The following GREB1 variants were observed in gnomAD, a reference collection of about 807,000 sequenced individuals.
GREB1 encodes growth regulating estrogen receptor binding 1, also known as protein GREB1.
Under a neutral mutation model 200.7 loss-of-function variants are expected in GREB1, and 106 were observed. The observed-to-expected ratio is 0.53, with a 90% CI of 0.45 to 0.62. GREB1 has a LOEUF of 0.62. Among genes scored for constraint, GREB1 ranks in the 20% least tolerant of loss-of-function variants. The pLI, the probability that GREB1 is intolerant of heterozygous loss-of-function variation, is 0.00. For synonymous variants in GREB1, 1,132 were observed against 1,092.4 expected (o/e 1.04, Z -0.72); for missense variants, 2,243 against 2,556.8 (o/e 0.88, Z 2.65).
At position 11,602,384 on chromosome 2, in the gene GREB1, C is replaced by T. The variant is rs760403814; in HGVS notation, c.2530-22C>T. The T allele has an allele frequency of 2.4e-5, 38 of 1,608,612 alleles. No individual in the cohort carries two copies. In the Admixed American group the frequency reaches 4.8e-4, roughly 21 times the overall value. ...CCCTGCGAATGCAGTGTTGGAGTGACCGACGCTCTTCTTTGTTTTAGGGAG... is the reference window on the plus strand; with the variant it reads ...CCCTGCGAATGCAGTGTTGGAGTGATCGACGCTCTTCTTTGTTTTAGGGAG... On this transcript the variant is annotated intron_variant, in intron 16 of 32. Transcript: ENST00000381486.
intron 1 of GREB1, among the ~76,000 whole-genome samples, chr2:11,522,975 G>A (rs1673752311): frequency 6.6e-6 from 1 of 152,154 alleles, no homozygotes; most frequent in Non-Finnish European, 1.5e-5. Context: ...AATCAACCTA[G>A]ATGCCCATCA....
At chr2:11,607,662 G>T (rs1372646961) in intron 17 of GREB1, among the ~76,000 whole-genome samples, 1 of 105,374 alleles carries the variant, frequency 9.5e-6, no homozygotes. Context: ...GAAAAGCACA[G>T]TTTTATGACA....
At chr2:11,598,945 A>G (rs932670235) in intron 15 of GREB1, 85 bp downstream of exon 15, 3 of 1,128,000 alleles carry the variant, frequency 2.7e-6, no homozygotes, top group East Asian at 2.4e-5. Context: ...TGAGGGTACA[A>G]ATCCTGAAAA....
intron 1 of GREB1, among the ~76,000 whole-genome samples, chr2:11,552,963 T>G (rs1247288281): frequency 2.2e-5 from 3 of 136,892 alleles, no homozygotes; most frequent in African/African-American, 8.9e-5. Context: ...TGAGTCGAGA[T>G]CGCGCCACTG....
At chr2:11,516,340 G>C (rs1291319546) in intron 1 of GREB1, among the ~76,000 whole-genome samples, 1 of 151,748 alleles carries the variant, frequency 6.6e-6, no homozygotes, top group African/African-American at 2.4e-5. Context: ...GTGTGTGTGT[G>C]TGTGTGTGCA....
In GREB1 at chr2:11,514,873, G is replaced by A. The variant is rs114125716; in HGVS notation, c.-159+32492G>A. ...CTCTGTATGCCCAGTGCTTAGTGCT[G>A]TGCTTGGCACAGAGTGGGCACTTAA... On this transcript the variant is annotated intron_variant, in intron 1 of 2. Transcript: ENST00000628795. 4.7e-3 allele frequency among the ~76,000 whole-genome samples: 713 copies of A among 152,312 alleles called. 4 individuals are homozygous for A. The highest frequency in any genetic ancestry group is 0.014 in the African/African-American group (572 of 41,554).
intron 23 of GREB1, among the ~76,000 whole-genome samples, chr2:11,624,118 G>A (rs1392015042): frequency 2.0e-5 from 3 of 151,972 alleles, no homozygotes; most frequent in South Asian, 2.1e-4. Context: ...GAAAAATATC[G>A]TTTATAAATC....
At chr2:11,528,542 G>A (rs928745861) in intron 1 of GREB1, among the ~76,000 whole-genome samples, 1 of 152,084 alleles carries the variant, frequency 6.6e-6, no homozygotes, top group African/African-American at 2.4e-5. Flanking sequence ...CCAGGCTGGA[G>A]TGCAGTGGCT....
intron 24 of GREB1, 137 bp downstream of exon 24, chr2:11,625,449 C>A (rs1007429857): frequency 6.9e-5 from 53 of 769,312 alleles, no homozygotes; most frequent in Non-Finnish European, 1.1e-4. Flanking sequence ...ACTGAGGTCA[C>A]CACCTCCCTG....
intron 21 of GREB1, 147 bp downstream of exon 21, chr2:11,616,867 T>A: frequency 3.2e-6 from 2 of 624,678 alleles, no homozygotes; most frequent in Non-Finnish European, 5.7e-6. Flanking sequence ...AGTGCTAGAC[T>A]CTCTAGAGAG....
chr2:11,551,980 A>C (rs6737520), intron 1 of GREB1, among the ~76,000 whole-genome samples: 14,296 of 152,296 alleles, frequency 0.094, 1,412 homozygotes, highest in African/African-American at 0.25. Context: ...TTTAACTAGA[A>C]ATTAATGATT....
intron 20 of GREB1, 27 bp from the exon 21 acceptor site, chr2:11,616,604 A>G: frequency 7.1e-7 from 1 of 1,404,052 alleles, no homozygotes; most frequent in African/African-American, 1.4e-5. Context: ...ATTTCGGTGC[A>G]TTCTCAGCGT....
chr2:11,497,088 C>T (rs987495638), intron 1 of GREB1, among the ~76,000 whole-genome samples: 2 of 152,196 alleles, frequency 1.3e-5, no homozygotes, highest in African/African-American at 2.4e-5. Flanking sequence ...TGAGCCACCA[C>T]GCCTGGCCTG....
chr2:11,574,374 A>T (rs1678625285), intron 4 of GREB1, among the ~76,000 whole-genome samples: 1 of 152,232 alleles, frequency 6.6e-6, no homozygotes, highest in Non-Finnish European at 1.5e-5. Flanking sequence ...AGAAAGTGCC[A>T]GCCAGCCTTT....
chr2:11,527,002 C>T lies in GREB1; in HGVS notation c.-158-29455C>T, dbSNP rs547767799. ...GGATGTTGCTCTTTTTCACACATGC[C>T]TCATCCTCCCTACACAGACACCCAC... On this transcript the variant is annotated intron_variant, in intron 1 of 2. Transcript: ENST00000628795. Among the ~76,000 whole-genome samples, 4 of 152,212 alleles carry T rather than the reference C, an allele frequency of 2.6e-5. No homozygotes were observed. In the South Asian group the frequency reaches 8.3e-4, roughly 32 times the overall value.
intron 1 of GREB1, among the ~76,000 whole-genome samples, chr2:11,546,378 TAC>T (rs1172838006): frequency 6.6e-6 from 1 of 152,164 alleles, no homozygotes; most frequent in East Asian, 1.9e-4. Context: ...AGTAAATAAA[TAC>T]ACACATATAT....
At chr2:11,583,700 A>T (rs867629457) in intron 7 of GREB1, among the ~76,000 whole-genome samples, 1 of 152,042 alleles carries the variant, frequency 6.6e-6, no homozygotes, top group Non-Finnish European at 1.5e-5. Flanking sequence ...CTCTACTAAA[A>T]ATACAAAAAT....
intron 9 of GREB1, chr2:11,587,916 G>A (rs923142849): frequency 1.0e-6 from 1 of 996,070 alleles, no homozygotes; most frequent in Non-Finnish European, 1.2e-6. Context: ...CACCTCTGAG[G>A]GCTGTCCTCA....
At chr2:11,576,994 C>T (rs1337746751) in intron 5 of GREB1, among the ~76,000 whole-genome samples, 4 of 151,908 alleles carry the variant, frequency 2.6e-5, no homozygotes, top group African/African-American at 9.7e-5. Context: ...GAGATGGTGC[C>T]ACTGCACTCC....
Sources: allele counts gnomAD v4.1 joint callset (sites outside exome capture counted in the v4.1 genomes callset), GRCh38; gene constraint gnomAD v4.1.1; transcripts MANE v1.5; gene names NCBI Gene and HGNC (gene_info 2026-07-23, HGNC 2026-07-21).